Variants in WDFY3 observed in about 807,000 individuals in gnomAD.
WDFY3 encodes the protein WD repeat and FYVE domain-containing protein 3.
Under a neutral mutation model 409.6 loss-of-function variants are expected in WDFY3, and 66 were observed. That is an observed-to-expected ratio of 0.16 (90% CI 0.13 to 0.20). The LOEUF is 0.20. Ranked by LOEUF, WDFY3 falls within the 10% of genes least tolerant of loss-of-function variation. The pLI, the probability that WDFY3 is intolerant of heterozygous loss-of-function variation, is 1.00. For synonymous variants in WDFY3, 1,521 were observed against 1,537.1 expected (o/e 0.99, Z 0.25); for missense variants, 3,031 against 4,298.1 (o/e 0.71, Z 8.24).
At chr4:84,837,236 A>G (rs965484820) in intron 6 of WDFY3, 146 bp from the exon 7 acceptor site, 1 of 637,208 alleles carries the variant, frequency 1.6e-6, no homozygotes, top group Non-Finnish European at 2.3e-6. Context: ...CTCCAAGTGA[A>G]GAAATATACA....
At chr4:84,876,826 C>T (rs1226140195) in intron 3 of WDFY3, among the ~76,000 whole-genome samples, 1 of 152,112 alleles carries the variant, frequency 6.6e-6, no homozygotes, top group African/African-American at 2.4e-5. Context: ...AATGTTTAAG[C>T]TTACAATTTA....
chr4:84,763,826 G>A (rs1743138818), intron 32 of WDFY3, among the ~76,000 whole-genome samples: 1 of 152,134 alleles, frequency 6.6e-6, no homozygotes, highest in Non-Finnish European at 1.5e-5. Context: ...AGGACAAAAA[G>A]ATTCTAATGC....
chr4:84,754,350 T>C (rs1432369478), intron 34 of WDFY3, among the ~76,000 whole-genome samples: 2 of 152,218 alleles, frequency 1.3e-5, no homozygotes, highest in Admixed American at 6.5e-5. Context: ...ATTTGAACAA[T>C]GTATATCTTC....
chr4:84,782,518 C>T (rs1746714457), intron 25 of WDFY3, among the ~76,000 whole-genome samples: 1 of 152,170 alleles, frequency 6.6e-6, no homozygotes, highest in African/African-American at 2.4e-5. Context: ...GGTATTTGTA[C>T]TGATGCTCTC....
At chr4:84,900,536 T>A (rs1181569497) in intron 2 of WDFY3, among the ~76,000 whole-genome samples, 1 of 152,190 alleles carries the variant, frequency 6.6e-6, no homozygotes, top group Non-Finnish European at 1.5e-5. Context: ...TTGTTACATA[T>A]AAAAACTTGG....
At position 84,672,862 on chromosome 4, in the gene WDFY3, G is replaced by C. The variant is rs764376408; in HGVS notation, c.*6C>G. The C allele has an allele frequency of 1.9e-6, 3 of 1,612,762 alleles. No homozygotes were observed. The highest frequency in any genetic ancestry group is 2.5e-6 in the Non-Finnish European group (3 of 1,179,248). On this transcript the variant is annotated 3_prime_UTR_variant, in exon 68 of 68. Coordinates refer to ENST00000295888, the MANE Select transcript of WDFY3 (RefSeq NM_014991.6). ...GACCATGGTCTCCACTCAGCTTGTT[G>C]AATCTTCAACAATTTCGAGGCCCAT...
intron 9 of WDFY3, among the ~76,000 whole-genome samples, chr4:84,828,227 A>C (rs934463546): frequency 2.0e-5 from 3 of 152,176 alleles, no homozygotes; most frequent in African/African-American, 7.2e-5. Context: ...TCTTCTTCTT[A>C]AGAAAATCTG....
chr4:84,964,231 G>T (rs1286906102), intron 1 of WDFY3, among the ~76,000 whole-genome samples: 1 of 152,160 alleles, frequency 6.6e-6, no homozygotes, highest in Admixed American at 6.5e-5. Context: ...ACTTAGAGAG[G>T]CTAAGGCAGG....
At chr4:84,828,773 C>T (rs1578709887) in intron 9 of WDFY3, among the ~76,000 whole-genome samples, 1 of 152,104 alleles carries the variant, frequency 6.6e-6, no homozygotes, top group South Asian at 2.1e-4. Context: ...GTGGTACGTG[C>T]CTGTAGTCCT....
chr4:84,831,552 T>C lies in WDFY3; in HGVS notation c.630A>G (p.Lys210=), dbSNP rs1463039753. ...CACTGAATAGAAGCTGGAGATCATC[T>C]TTCTGAGCCAGCTCCTCCGCAGGGG... The part of the protein sequence containing the change: ...FVSPAEELAQ[K]DDLQLLFSAI... The change falls in exon 8 of 68, where the codon AAA becomes AAG. Residue 210 remains lysine, a synonymous_variant. Transcript: ENST00000295888. 6.2e-7 allele frequency: 1 copy of C among 1,613,984 alleles called. No individual in the cohort carries two copies. Among genetic ancestry groups the C allele is most frequent in the Non-Finnish European group, 8.5e-7 (1 of 1,179,984 alleles).
chr4:84,832,558 G>C (rs1018057378), intron 7 of WDFY3, among the ~76,000 whole-genome samples: 1 of 151,964 alleles, frequency 6.6e-6, no homozygotes, highest in Non-Finnish European at 1.5e-5. Flanking sequence ...CCCTTGATTC[G>C]ATCATTACAC....
intron 6 of WDFY3, among the ~76,000 whole-genome samples, chr4:84,839,631 G>A (rs1309252691): frequency 6.6e-6 from 1 of 152,038 alleles, no homozygotes; most frequent in Non-Finnish European, 1.5e-5. Context: ...GCCAAGGCAG[G>A]TGGATCACCT....
At chr4:84,907,206 C>T (rs753345706) in intron 2 of WDFY3, among the ~76,000 whole-genome samples, 1 of 152,108 alleles carries the variant, frequency 6.6e-6, no homozygotes, top group Non-Finnish European at 1.5e-5. Context: ...TTTTATGATG[C>T]TCCTCTTTTC....
chr4:84,670,116 C>T lies in WDFY3; in HGVS notation c.*2752G>A, dbSNP rs187170937. On this transcript the variant is annotated 3_prime_UTR_variant, in exon 68 of 68. Transcript: ENST00000295888. The stretch of plus-strand genomic sequence containing the variant: ...CTAGAGTGTTTTGCTATTATCCAGA[C>T]GGATGGCTGCTATGGGCAGCTATTC... 14 of 152,680 alleles carry T rather than the reference C, an allele frequency of 9.2e-5. No individual in the cohort carries two copies. Among genetic ancestry groups the T allele is most frequent in the African/African-American group, 2.2e-4 (9 of 41,538 alleles). The allele number at this position is 152,680 out of a possible 1,614,324, so 9.5% of individuals were successfully genotyped here.
intron 36 of WDFY3, among the ~76,000 whole-genome samples, chr4:84,744,852 C>CAA (rs1165273561): frequency 0.047 from 739 of 15,682 alleles, 50 homozygotes; most frequent in Non-Finnish European, 0.061. Context: ...GACTCCGTCT[C>CAA]AAAAAAAAAA....
chr4:84,730,382 CTT>C lies in WDFY3; in HGVS notation c.7221+2998_7221+2999del, dbSNP rs1736390693. Among the ~76,000 whole-genome samples, 9 of 152,276 alleles carry C rather than the reference CTT, an allele frequency of 5.9e-5. No individual in the cohort carries two copies. The South Asian group carries it at 1.7e-3, about 28-fold the overall frequency. ...CTCAATATTCACTAAGTATTAGGCA[CTT>C]TGTTAGCACTAGAGAGATAAAACCT... On this transcript the variant is annotated intron_variant, in intron 44 of 67. Transcript: ENST00000295888.
chr4:84,750,857 C>T (rs1366846473), intron 36 of WDFY3, among the ~76,000 whole-genome samples: 4 of 152,218 alleles, frequency 2.6e-5, no homozygotes, highest in Non-Finnish European at 4.4e-5. Flanking sequence ...TAGAAGTTTG[C>T]TGCCTTGGGG....
At chr4:84,820,442 G>C (rs921290472) in intron 11 of WDFY3, among the ~76,000 whole-genome samples, 3 of 151,954 alleles carry the variant, frequency 2.0e-5, no homozygotes, top group Admixed American at 2.0e-4. Flanking sequence ...AAAATGCAAA[G>C]GTTAAATATA....
At chr4:84,738,203 A>G (rs1560630434) in intron 40 of WDFY3, among the ~76,000 whole-genome samples, 2 of 152,164 alleles carry the variant, frequency 1.3e-5, no homozygotes, top group Non-Finnish European at 1.5e-5. Flanking sequence ...CACCAGAGTG[A>G]TTTCTCTTTA....
Sources: allele counts gnomAD v4.1 joint callset (sites outside exome capture counted in the v4.1 genomes callset), GRCh38; gene constraint gnomAD v4.1.1; transcripts MANE v1.5; gene names NCBI Gene and HGNC (gene_info 2026-07-23, HGNC 2026-07-21).